The following FNDC1 variants were observed in gnomAD, a reference collection of about 807,000 sequenced individuals.
FNDC1 encodes fibronectin type III domain containing 1.
A neutral mutation model predicts 168.0 loss-of-function variants in FNDC1; 96 were observed. The ratio of observed to expected loss-of-function variants is 0.57; its 90% CI spans 0.48 to 0.68. The LOEUF (loss-of-function observed/expected upper bound fraction) is 0.68. Ranked by LOEUF, FNDC1 falls within the 30% of genes least tolerant of loss-of-function variation. FNDC1 has a pLI of 0.00. For missense variants in FNDC1, 2,587 were observed against 2,482.1 expected, an observed-to-expected ratio of 1.04 and a Z score of -0.90; for synonymous variants, 1,099 against 1,025.9, an observed-to-expected ratio of 1.07 and a Z score of -1.36.
At position 159,233,635 on chromosome 6, in the gene FNDC1, C is replaced by A. The variant is rs1012277800; in HGVS notation, c.3123C>A (p.Pro1041=). Residue 1041 remains proline (P), a synonymous_variant, in exon 11 of 23, where the codon CCC becomes CCA. Coordinates refer to ENST00000297267, the MANE Select transcript of FNDC1 (RefSeq NM_032532.3). This position sits in a 1 kb window ranked among gnomAD's most constrained non-coding sequence, Gnocchi z 4.6. The stretch of plus-strand genomic sequence containing the variant: ...TCTCACTGACCCAGGCCGGGCGGCC[C>A]CGCCCCACGTCGCAGGGCCGCTCCC... ...PRLSLTQAGR[P]RPTSQGRSHS... is the part of the protein sequence containing the mutation. 1 of 1,557,332 alleles carries A rather than the reference C, an allele frequency of 6.4e-7. No homozygotes were observed. The highest frequency in any genetic ancestry group is 1.9e-5 in the Admixed American group (1 of 52,868).
chr6:159,215,170 G>A lies in FNDC1; in HGVS notation c.667+19G>A, dbSNP rs749021260. The A allele has an allele frequency of 1.9e-6, 3 of 1,597,434 alleles. No homozygotes were observed. Among genetic ancestry groups the A allele is most frequent in the Non-Finnish European group, 2.6e-6 (3 of 1,165,086 alleles). On this transcript the variant is annotated intron_variant, in intron 5 of 22. Coordinates refer to ENST00000297267, the MANE Select transcript of FNDC1 (RefSeq NM_032532.3). ...AAGCTAGGTGAGTTTCATATTCATT[G>A]GTATTCAATGTTTCCATGGTCTTTG...
At position 159,200,007 on chromosome 6, in the gene FNDC1, G is replaced by A. The variant is rs377165469; in HGVS notation, c.316G>A (p.Val106Met). Residue 106 changes from valine (V) to methionine (M), a missense_variant, in exon 3 of 23, where the codon GTG becomes ATG. Transcript: ENST00000297267. The part of the protein sequence containing the change: ...FLIEDVEPGV[V>M]YFVLLTAENH... Reference sequence around the variant, plus strand: ...ACCGTATGTTTCAGAGCCGGGGGTAGTGTACTTTGTGCTGCTTACTGCAGA... The same window carrying A: ...ACCGTATGTTTCAGAGCCGGGGGTAATGTACTTTGTGCTGCTTACTGCAGA... 24 of 1,604,846 alleles carry A rather than the reference G, an allele frequency of 1.5e-5. No individual in the cohort carries two copies. The highest frequency in any genetic ancestry group is 2.7e-5 in the African/African-American group (2 of 74,788).
At chr6:159,256,187 G>C (rs1357233702) in intron 17 of FNDC1, among the ~76,000 whole-genome samples, 1 of 152,188 alleles carries the variant, frequency 6.6e-6, no homozygotes, top group African/African-American at 2.4e-5. Context: ...TGTGTGGAGG[G>C]CACTGCTTTT....
At chr6:159,262,196 T>A (rs1777501027) in intron 19 of FNDC1, among the ~76,000 whole-genome samples, 1 of 152,190 alleles carries the variant, frequency 6.6e-6, no homozygotes, top group South Asian at 2.1e-4. Flanking sequence ...CTTTTCCATG[T>A]AGGAAGCCAG....
At chr6:159,250,376 A>G (rs294903) in intron 16 of FNDC1, among the ~76,000 whole-genome samples, 96,230 of 152,132 alleles carry the variant, frequency 0.63, 31,963 homozygotes, top group Middle Eastern at 0.74. Flanking sequence ...AAATAGAGAA[A>G]CTAAAAACTG....
At chr6:159,172,535 T>G (rs1781683808) in intron 1 of FNDC1, among the ~76,000 whole-genome samples, 1 of 152,216 alleles carries the variant, frequency 6.6e-6, no homozygotes, top group Non-Finnish European at 1.5e-5. Context: ...AATGGTGATA[T>G]AAATGAATGT....
chr6:159,179,570 G>A (rs1227669153), intron 1 of FNDC1, among the ~76,000 whole-genome samples: 2 of 152,184 alleles, frequency 1.3e-5, no homozygotes, highest in African/African-American at 2.4e-5. Context: ...CTTTAACAGG[G>A]TAATCCTATC....
chr6:159,210,455 C>G (rs1270952096), intron 4 of FNDC1, among the ~76,000 whole-genome samples: 2 of 152,192 alleles, frequency 1.3e-5, no homozygotes, highest in African/African-American at 2.4e-5. Context: ...TTTCTCCTTA[C>G]TGTTAACTAG....
chr6:159,225,390 A>G (rs1782930860), intron 7 of FNDC1, 145 bp from the exon 8 acceptor site: 2 of 630,538 alleles, frequency 3.2e-6, no homozygotes, highest in Non-Finnish European at 2.6e-6. Flanking sequence ...AGCCAATAAC[A>G]TAGTCAAAAG....
chr6:159,255,121 A>G (rs1333256397), intron 17 of FNDC1, among the ~76,000 whole-genome samples: 2 of 152,196 alleles, frequency 1.3e-5, no homozygotes, highest in Non-Finnish European at 2.9e-5. Context: ...TAATGTCTTA[A>G]CTGTCTTTCC....
At chr6:159,235,983 A>G (rs1783245938) in intron 11 of FNDC1, among the ~76,000 whole-genome samples, 1 of 152,228 alleles carries the variant, frequency 6.6e-6, no homozygotes, top group Non-Finnish European at 1.5e-5. Context: ...TTCCCACAGT[A>G]TTGTCAGAAA....
rs1040597811 is a variant in FNDC1 at position 159,200,434 on chromosome 6, A to C, written c.392-79A>C. 3 of 1,059,070 alleles carry C rather than the reference A, an allele frequency of 2.8e-6. No individual in the cohort carries two copies. The African/African-American group carries it at 4.8e-5, about 17-fold the overall frequency. The allele number at this position is 1,059,070 out of a possible 1,614,324, so 65.6% of individuals were successfully genotyped here. ...AGATGGTTGAAAAGATCATTTAATT[A>C]TACATTATGGATGCACTGTAATGTG... On this transcript the variant is annotated intron_variant, in intron 3 of 22. Coordinates refer to ENST00000297267, the MANE Select transcript of FNDC1 (RefSeq NM_032532.3).
At chr6:159,195,973 C>T (rs1220330403) in intron 1 of FNDC1, among the ~76,000 whole-genome samples, 1 of 152,196 alleles carries the variant, frequency 6.6e-6, no homozygotes, top group Non-Finnish European at 1.5e-5. Flanking sequence ...CTTCTACACA[C>T]CTTTTAGTCA....
chr6:159,258,331 G>GGTGTACATCTCC (rs1300056158), intron 18 of FNDC1, among the ~76,000 whole-genome samples: 42 of 152,200 alleles, frequency 2.8e-4, no homozygotes, highest in African/African-American at 9.9e-4. Flanking sequence ...TCCCCTGGTG[G>GGTGTACATCTCC]GTGTACATCT....
chr6:159,269,162 A>G (rs961102979), intron 22 of FNDC1, among the ~76,000 whole-genome samples: 1 of 150,670 alleles, frequency 6.6e-6, no homozygotes, highest in Non-Finnish European at 1.5e-5. Flanking sequence ...CTGTCTATGT[A>G]TGTATGTATG....
chr6:159,172,752 G>T (rs1230719243), intron 1 of FNDC1, among the ~76,000 whole-genome samples: 2 of 152,164 alleles, frequency 1.3e-5, no homozygotes, highest in Non-Finnish European at 2.9e-5. Flanking sequence ...CTAAGAATTG[G>T]CTACTTGATG....
At chr6:159,205,737 A>G (rs1484436499) in intron 4 of FNDC1, among the ~76,000 whole-genome samples, 1 of 152,220 alleles carries the variant, frequency 6.6e-6, no homozygotes, top group African/African-American at 2.4e-5. Context: ...GACGGATTCC[A>G]CTTTTAATGA....
intron 14 of FNDC1, among the ~76,000 whole-genome samples, chr6:159,246,219 G>A (rs1167412625): frequency 2.0e-5 from 3 of 152,314 alleles, no homozygotes; most frequent in South Asian, 2.1e-4. Context: ...ATTGGCATAT[G>A]TTTCCAAATT....
intron 13 of FNDC1, among the ~76,000 whole-genome samples, 194 bp from the exon 14 acceptor site, chr6:159,239,323 A>G (rs1783346236): frequency 1.3e-5 from 2 of 152,144 alleles, no homozygotes; most frequent in Non-Finnish European, 2.9e-5. Flanking sequence ...AAAGGAAAGT[A>G]TTTCTTCCTT....
Sources: gnomAD v4.1 joint callset for allele counts (sites outside exome capture counted in the v4.1 genomes callset) on GRCh38, gnomAD v4.1.1 for gene constraint, Gnocchi (gnomAD v3.1) non-coding constraint, MANE v1.5 for transcripts, NCBI Gene and HGNC (gene_info 2026-07-23, HGNC 2026-07-21) for gene names.